The following TMEM44 variants were observed in gnomAD, a reference collection of about 807,000 sequenced individuals.
TMEM44 encodes transmembrane protein 44.
TMEM44 carries 43 observed loss-of-function variants against 47.8 expected under a neutral mutation model. The observed-to-expected ratio is 0.90, with a 90% CI of 0.70 to 1.16. The LOEUF is 1.16. Ranked by LOEUF, TMEM44 falls within the 50% of genes most tolerant of loss-of-function variation. The pLI is 0.00. For missense variants in TMEM44, 568 were observed against 555.2 expected (o/e 1.02, Z -0.23); for synonymous variants, 277 against 238.8 (o/e 1.16, Z -1.48).
In TMEM44 at chr3:194,604,460, AG is replaced by A. The variant is rs1714551824; in HGVS notation, c.1018-16del. The A allele has an allele frequency of 7.4e-6, 11 of 1,491,830 alleles. No homozygotes were observed. Among genetic ancestry groups the A allele is most frequent in the Non-Finnish European group, 9.9e-6 (11 of 1,114,844 alleles). 92.4% of individuals were successfully genotyped at this position (1,491,830 alleles called of 1,614,324 possible). On this transcript the variant is annotated splice_polypyrimidine_tract_variant and intron_variant, in intron 8 of 9. Coordinates refer to ENST00000347147, the MANE Select transcript of TMEM44 (RefSeq NM_001011655.3). Reference sequence around the variant, plus strand: ...CTGCAGCCTGCCTGCAAGGTGTGTGAGAAAGGGCAGGCAAGGACACGTAGTT... The same window carrying A: ...CTGCAGCCTGCCTGCAAGGTGTGTGAAAAGGGCAGGCAAGGACACGTAGTT...
intron 9 of TMEM44, among the ~76,000 whole-genome samples, chr3:194,594,115 T>TTTTC (rs765809581): frequency 0.014 from 928 of 64,698 alleles, 6 homozygotes; most frequent in African/African-American, 0.023. Context: ...CCTGGCCTAA[T>TTTTC]TTTCTATCTA....
At chr3:194,599,442 C>T (rs971025568) in intron 9 of TMEM44, among the ~76,000 whole-genome samples, 1 of 152,212 alleles carries the variant, frequency 6.6e-6, no homozygotes, top group African/African-American at 2.4e-5. Flanking sequence ...AATATTGCTT[C>T]AAGCAAATAG....
chr3:194,631,785 C>T (rs747790150), intron 1 of TMEM44, among the ~76,000 whole-genome samples: 4 of 152,108 alleles, frequency 2.6e-5, no homozygotes, highest in South Asian at 4.1e-4. Flanking sequence ...CACACCACTC[C>T]GAAGACACAT....
intron 8 of TMEM44, among the ~76,000 whole-genome samples, chr3:194,610,223 A>G (rs1248724810): frequency 5.9e-5 from 9 of 151,674 alleles, no homozygotes; most frequent in East Asian, 1.9e-4. Context: ...AAAAAAAAAA[A>G]AGAGAGAAAA....
At chr3:194,628,030 G>C (rs1217742460) in intron 2 of TMEM44, among the ~76,000 whole-genome samples, 1 of 151,972 alleles carries the variant, frequency 6.6e-6, no homozygotes, top group African/African-American at 2.4e-5. Flanking sequence ...GACCTCCCCT[G>C]CTTATAATGG....
At chr3:194,629,374 C>T (rs1053609036) in intron 1 of TMEM44, among the ~76,000 whole-genome samples, 5 of 152,368 alleles carry the variant, frequency 3.3e-5, no homozygotes, top group Admixed American at 6.5e-5. Context: ...CCTCCCTCAG[C>T]GCCCCCACAG....
intron 8 of TMEM44, among the ~76,000 whole-genome samples, chr3:194,607,133 C>CT (rs1188880819): frequency 6.6e-5 from 10 of 151,930 alleles, no homozygotes; most frequent in Non-Finnish European, 1.5e-4. Flanking sequence ...GGTGGAAGGG[C>CT]CCTTCTGGTA....
chr3:194,618,923 GGCTGGGAGGGTGAGCCCTGGCCC>G, intron 5 of TMEM44, among the ~76,000 whole-genome samples: 1 of 152,322 alleles, frequency 6.6e-6, no homozygotes, highest in South Asian at 2.1e-4. Context: ...TGGAGCAGCC[GGCTGGGAGGGTGAGCCCTGGCCC>G]GCTGGGCCCA....
intron 1 of TMEM44, among the ~76,000 whole-genome samples, chr3:194,629,740 T>C (rs1717578833): frequency 9.8e-6 from 1 of 101,670 alleles, no homozygotes. Context: ...AGGGGCTGGC[T>C]GTTTCCATCG....
At chr3:194,592,023 C>G (rs567652567) in intron 9 of TMEM44, among the ~76,000 whole-genome samples, 1 of 152,124 alleles carries the variant, frequency 6.6e-6, no homozygotes, top group East Asian at 1.9e-4. Context: ...TCGAGACCAT[C>G]CTGGCTAACA....
intron 9 of TMEM44, among the ~76,000 whole-genome samples, chr3:194,602,053 C>T (rs536860741): frequency 4.6e-4 from 70 of 152,332 alleles, no homozygotes; most frequent in African/African-American, 1.7e-3. Context: ...AGCCTTAGAT[C>T]TCCGCCAAGA....
chr3:194,601,142 CTTGT>C (rs953092860), intron 9 of TMEM44, among the ~76,000 whole-genome samples: 40 of 149,110 alleles, frequency 2.7e-4, no homozygotes, highest in Middle Eastern at 3.5e-3. Flanking sequence ...TTGGAATTTA[CTTGT>C]TTGTTTTTTT....
At chr3:194,615,164 T>A (rs1715740723) in intron 7 of TMEM44, among the ~76,000 whole-genome samples, 1 of 151,918 alleles carries the variant, frequency 6.6e-6, no homozygotes. Flanking sequence ...ATTACTTGAA[T>A]CTGGGAGGCG....
At chr3:194,630,002 G>A (rs1271315668) in intron 1 of TMEM44, among the ~76,000 whole-genome samples, 1 of 77,394 alleles carries the variant, frequency 1.3e-5, no homozygotes, top group Non-Finnish European at 2.5e-5. Flanking sequence ...GTATGCTGTC[G>A]TACCTGCCTC....
intron 9 of TMEM44, among the ~76,000 whole-genome samples, chr3:194,591,263 C>T (rs976801772): frequency 4.4e-4 from 67 of 151,898 alleles, no homozygotes; most frequent in African/African-American, 1.5e-3. Flanking sequence ...GAGGCTGAGG[C>T]GGGTGGATCA....
At chr3:194,610,200 GAC>G (rs939743823) in intron 8 of TMEM44, among the ~76,000 whole-genome samples, 2 of 150,760 alleles carry the variant, frequency 1.3e-5, no homozygotes, top group African/African-American at 2.4e-5. Context: ...CAGCCTGGGC[GAC>G]AGAGTGTCTC....
chr3:194,590,865 G>A (rs7621704), intron 9 of TMEM44, among the ~76,000 whole-genome samples: 28,860 of 152,112 alleles, frequency 0.19, 3,718 homozygotes, highest in African/African-American at 0.36. Flanking sequence ...GCAGCCTGCA[G>A]ACAGAAACCT....
chr3:194,623,586 C>T lies in TMEM44; in HGVS notation c.468G>A (p.Pro156=), dbSNP rs1189626782. The T allele has an allele frequency of 1.1e-5, 18 of 1,611,042 alleles. No individual in the cohort carries two copies. Among genetic ancestry groups the T allele is most frequent in the Middle Eastern group, 1.6e-4 (1 of 6,068 alleles). ...GPCWALWVAV[P]KASATIRGPQ... Reference sequence around the variant, plus strand: ...GCCCCCGGATGGTGGCTGAAGCCTTCGGGACAGCAACCCACAGAGCCCAGC... The same window carrying T: ...GCCCCCGGATGGTGGCTGAAGCCTTTGGGACAGCAACCCACAGAGCCCAGC... The change falls in exon 4 of 10, where the codon CCG becomes CCA. Residue 156 remains proline, a synonymous_variant. Coordinates refer to ENST00000347147, the MANE Select transcript of TMEM44 (RefSeq NM_001011655.3).
chr3:194,623,163 G>A, intron 5 of TMEM44, 61 bp downstream of exon 5: 1 of 1,488,676 alleles, frequency 6.7e-7, no homozygotes, highest in South Asian at 1.2e-5. Context: ...CTCTCAGGAT[G>A]CTCCCAGATG....
Sources: gnomAD v4.1 joint callset for allele counts (sites outside exome capture counted in the v4.1 genomes callset) on GRCh38, gnomAD v4.1.1 for gene constraint, MANE v1.5 for transcripts, NCBI Gene and HGNC (gene_info 2026-07-23, HGNC 2026-07-21) for gene names.